RASAL2: variants seen among roughly 807,000 people sequenced by gnomAD.
RASAL2 encodes the protein RAS protein activator like 2.
Under a neutral mutation model 128.9 loss-of-function variants are expected in RASAL2, and 58 were observed. The ratio of observed to expected loss-of-function variants is 0.45; its 90% confidence interval spans 0.36 to 0.56. The LOEUF is 0.56. RASAL2 is among the 20% of genes least tolerant of loss of function. The pLI is 0.00. For synonymous variants in RASAL2, 561 were observed against 580.8 expected (o/e 0.97, Z 0.49); for missense variants, 1,360 against 1,601.6 (o/e 0.85, Z 2.57).
intron 9 of RASAL2, among the ~76,000 whole-genome samples, chr1:178,446,671 G>T (rs1677024281): frequency 6.6e-6 from 1 of 152,168 alleles, no homozygotes; most frequent in South Asian, 2.1e-4. Flanking sequence ...CATGTTGAAT[G>T]ATTGGAGAGA....
At chr1:178,202,901 A>G (rs995964512) in intron 1 of RASAL2, among the ~76,000 whole-genome samples, 1 of 152,184 alleles carries the variant, frequency 6.6e-6, no homozygotes, top group Non-Finnish European at 1.5e-5. Flanking sequence ...GAGGTTATGC[A>G]TGGGCTCAGC....
chr1:178,197,611 G>GAAAAAAA (rs57628750), intron 1 of RASAL2, among the ~76,000 whole-genome samples: 7 of 94,250 alleles, frequency 7.4e-5, no homozygotes, highest in African/African-American at 2.4e-4. Flanking sequence ...TCCATCTGGG[G>GAAAAAAA]AAAAAAAAAA....
intron 3 of RASAL2, among the ~76,000 whole-genome samples, chr1:178,331,295 C>G (rs1669294737): frequency 1.3e-5 from 2 of 152,230 alleles, no homozygotes; most frequent in East Asian, 3.8e-4. Context: ...CCTCAGCCTC[C>G]TGAGTAGCTG....
intron 1 of RASAL2, among the ~76,000 whole-genome samples, chr1:178,277,804 AG>A (rs1363386467): frequency 2.6e-5 from 4 of 152,218 alleles, no homozygotes; most frequent in Non-Finnish European, 5.9e-5. Context: ...GTTGGCACTA[AG>A]ATAGATGAAA....
chr1:178,192,318 A>T (rs1662521476), intron 1 of RASAL2, among the ~76,000 whole-genome samples: 1 of 152,168 alleles, frequency 6.6e-6, no homozygotes, highest in South Asian at 2.1e-4. Flanking sequence ...CACCTTGGAG[A>T]GTACAAAGAG....
In RASAL2 at chr1:178,217,754, T is replaced by G. The variant is rs560347280; in HGVS notation, c.203-65810T>G. On this transcript the variant is annotated intron_variant, in intron 1 of 17. Transcript: ENST00000367649. ...AGAGTCTTGCCTCAATACTGATGACTGCTAGCTGCTCAGGGTGCTGGTTGC... is the reference window on the plus strand; with the variant it reads ...AGAGTCTTGCCTCAATACTGATGACGGCTAGCTGCTCAGGGTGCTGGTTGC... Among the ~76,000 whole-genome samples, 21 of 152,358 alleles carry G rather than the reference T, an allele frequency of 1.4e-4. No individual in the cohort carries two copies. In the South Asian group the frequency reaches 4.4e-3, roughly 32 times the overall value.
intron 1 of RASAL2, among the ~76,000 whole-genome samples, chr1:178,131,269 C>G (rs1457298046): frequency 6.6e-6 from 1 of 150,680 alleles, no homozygotes; most frequent in African/African-American, 2.4e-5. Flanking sequence ...TGCAGTGGCA[C>G]AATCATAGCT....
chr1:178,172,507 T>C (rs1212128227), intron 1 of RASAL2, among the ~76,000 whole-genome samples: 1 of 152,102 alleles, frequency 6.6e-6, no homozygotes, highest in Non-Finnish European at 1.5e-5. Context: ...TCAGACCTAT[T>C]GCCCGCTTGT....
intron 3 of RASAL2, among the ~76,000 whole-genome samples, chr1:178,327,026 C>T (rs190985217): frequency 1.3e-5 from 2 of 152,242 alleles, no homozygotes; most frequent in East Asian, 3.9e-4. Context: ...TAATAAAGGA[C>T]AAGTTTCATA....
chr1:178,261,913 C>CAAAA (rs35870834), intron 1 of RASAL2, among the ~76,000 whole-genome samples: 1 of 84,554 alleles, frequency 1.2e-5, no homozygotes, highest in Non-Finnish European at 2.4e-5. Context: ...GAGACTGTCT[C>CAAAA]AAAAAAAAAA....
chr1:178,475,822 T>G lies in RASAL2; in HGVS notation c.*2583T>G, dbSNP rs1052362487. On this transcript the variant is annotated 3_prime_UTR_variant, in exon 18 of 18. Transcript: ENST00000367649. Reference sequence around the variant, plus strand: ...TGAATGAAGAAGAAATAGTAAAAAATAATAATAATAGAGCATTACCAATAA... The same window carrying G: ...TGAATGAAGAAGAAATAGTAAAAAAGAATAATAATAGAGCATTACCAATAA... 4.6e-5 allele frequency: 7 copies of G among 152,144 alleles called. No homozygotes were observed. Among genetic ancestry groups the G allele is most frequent in the Admixed American group, 1.3e-4 (2 of 15,264 alleles). 9.4% of individuals were successfully genotyped at this position (152,144 alleles called of 1,614,324 possible).
intron 14 of RASAL2, among the ~76,000 whole-genome samples, chr1:178,459,545 T>C (rs1678028590): frequency 6.6e-6 from 1 of 152,134 alleles, no homozygotes; most frequent in South Asian, 2.1e-4. Flanking sequence ...AAAATCCTAG[T>C]TTGTATCTGT....
At chr1:178,186,225 CT>C (rs962723679) in intron 1 of RASAL2, among the ~76,000 whole-genome samples, 86 of 144,408 alleles carry the variant, frequency 6.0e-4, no homozygotes, top group African/African-American at 1.3e-3. Context: ...TGACTTTTCT[CT>C]TTTTTTTTTT....
At chr1:178,243,636 A>G (rs2102060028) in intron 1 of RASAL2, among the ~76,000 whole-genome samples, 1 of 152,070 alleles carries the variant, frequency 6.6e-6, no homozygotes, top group East Asian at 1.9e-4. Flanking sequence ...CAACAAAATA[A>G]ATAGCCCCAG....
intron 1 of RASAL2, among the ~76,000 whole-genome samples, chr1:178,239,902 G>A (rs568503499): frequency 6.6e-6 from 1 of 151,988 alleles, no homozygotes; most frequent in South Asian, 2.1e-4. Context: ...GGTAATAAAG[G>A]TATTTTCCTA....
At chr1:178,242,511 C>T (rs937434938) in intron 1 of RASAL2, among the ~76,000 whole-genome samples, 1 of 148,722 alleles carries the variant, frequency 6.7e-6, no homozygotes, top group Non-Finnish European at 1.5e-5. Flanking sequence ...CTCTCTCTCT[C>T]CCCACTCCTG....
chr1:178,302,459 C>T (rs1216230134), intron 3 of RASAL2, among the ~76,000 whole-genome samples: 1 of 152,064 alleles, frequency 6.6e-6, no homozygotes, highest in Non-Finnish European at 1.5e-5. Context: ...ATGTGAAAGA[C>T]TTCTACATAG....
At chr1:178,146,590 T>G (rs1380565614) in intron 1 of RASAL2, among the ~76,000 whole-genome samples, 1 of 152,354 alleles carries the variant, frequency 6.6e-6, no homozygotes, top group Non-Finnish European at 1.5e-5. Context: ...CTCATTCTAT[T>G]ATTCTTAGGT....
At chr1:178,456,500 C>T (rs1032810957) in intron 12 of RASAL2, 28 of 630,398 alleles carry the variant, frequency 4.4e-5, no homozygotes, top group African/African-American at 7.3e-5. Context: ...TTTCTTTCCT[C>T]GATGTCTGCC....
Sources: gnomAD v4.1 joint callset for allele counts (sites outside exome capture counted in the v4.1 genomes callset) on GRCh38, gnomAD v4.1.1 for gene constraint, MANE v1.5 for transcripts, NCBI Gene and HGNC (gene_info 2026-07-23, HGNC 2026-07-21) for gene names.